Variants in NOS1AP observed in about 807,000 individuals in gnomAD.
The protein encoded by NOS1AP is carboxyl-terminal PDZ ligand of neuronal nitric oxide synthase protein.
Under a neutral mutation model 56.2 loss-of-function variants are expected in NOS1AP, and 21 were observed. The observed-to-expected ratio is 0.37, with a 90% CI of 0.26 to 0.54. The LOEUF (loss-of-function observed/expected upper bound fraction) is 0.54. Ranked by LOEUF, NOS1AP falls within the 20% of genes least tolerant of loss-of-function variation. NOS1AP has a pLI of 0.84. For synonymous variants in NOS1AP, 270 were observed against 274.6 expected, an observed-to-expected ratio of 0.98 and a Z score of 0.17; for missense variants, 522 against 657.8, an observed-to-expected ratio of 0.79 and a Z score of 2.26.
chr1:162,171,237 C>T (rs1419409226), intron 2 of NOS1AP, among the ~76,000 whole-genome samples: 1 of 152,122 alleles, frequency 6.6e-6, no homozygotes. Context: ...TGGGAAGGAA[C>T]CTGAGGCATG....
rs186276407 is a variant in NOS1AP, at chr1:162,184,295, C to T, written c.177+29819C>T. On this transcript the variant is annotated intron_variant, in intron 2 of 9. Coordinates refer to ENST00000361897, the MANE Select transcript of NOS1AP (RefSeq NM_014697.3). ...CCAAAAATTACAATAGTAACAATAA[C>T]GATCACTAATCACAAATTATCATAA... Among the ~76,000 whole-genome samples, 168 of 152,142 alleles carry T rather than the reference C, an allele frequency of 1.1e-3. 1 individual carries two copies. The highest frequency in any genetic ancestry group is 2.5e-3 in the Admixed American group (38 of 15,268).
intron 2 of NOS1AP, among the ~76,000 whole-genome samples, chr1:162,273,454 C>T (rs900285563): frequency 6.6e-6 from 1 of 152,132 alleles, no homozygotes. Flanking sequence ...CGTGAGCCAC[C>T]GCGCCCGGCC....
chr1:162,354,938 C>T (rs1657650075), intron 6 of NOS1AP, among the ~76,000 whole-genome samples: 1 of 152,184 alleles, frequency 6.6e-6, no homozygotes, highest in African/African-American at 2.4e-5. Flanking sequence ...GTGAACCTGG[C>T]AAAACTTTTA....
rs116224490 is a variant in NOS1AP, at chr1:162,142,650, G to A, written c.106-11755G>A. ...CAGGCATTGTTAAAGGCGAAAGCATGTGTAGCATATTGTCATCTTTCTTTC... is the reference window on the plus strand; with the variant it reads ...CAGGCATTGTTAAAGGCGAAAGCATATGTAGCATATTGTCATCTTTCTTTC... On this transcript the variant is annotated intron_variant, in intron 1 of 9. Coordinates refer to ENST00000361897, the MANE Select transcript of NOS1AP (RefSeq NM_014697.3). Among the ~76,000 whole-genome samples the A allele has an allele frequency of 9.8e-3, 1,500 of 152,328 alleles. 21 individuals are homozygous for A. The highest frequency in any genetic ancestry group is 0.034 in the African/African-American group (1,428 of 41,566).
At chr1:162,079,518 C>T (rs1405502385) in intron 1 of NOS1AP, among the ~76,000 whole-genome samples, 1 of 152,124 alleles carries the variant, frequency 6.6e-6, no homozygotes, top group Non-Finnish European at 1.5e-5. Context: ...GGGTTCAAAT[C>T]CTGGCTCTAT....
intron 3 of NOS1AP, among the ~76,000 whole-genome samples, chr1:162,291,111 G>C (rs1655270651): frequency 6.6e-6 from 1 of 151,950 alleles, no homozygotes; most frequent in African/African-American, 2.4e-5. Flanking sequence ...AGAGCAGGAG[G>C]GGACCCTCTG....
At chr1:162,226,065 G>A (rs1458477456) in intron 2 of NOS1AP, among the ~76,000 whole-genome samples, 1 of 151,876 alleles carries the variant, frequency 6.6e-6, no homozygotes, top group East Asian at 1.9e-4. Context: ...GGGCTGAGGT[G>A]GGCGAATCAC....
At chr1:162,248,638 G>A (rs894012363) in intron 2 of NOS1AP, among the ~76,000 whole-genome samples, 1 of 152,098 alleles carries the variant, frequency 6.6e-6, no homozygotes, top group East Asian at 1.9e-4. Context: ...CCTGGACCAT[G>A]CTGATGAGCC....
At chr1:162,258,808 A>T (rs1654116111) in intron 2 of NOS1AP, among the ~76,000 whole-genome samples, 1 of 152,190 alleles carries the variant, frequency 6.6e-6, no homozygotes, top group African/African-American at 2.4e-5. Flanking sequence ...GGGTCTTTCT[A>T]GGATTTATCA....
At chr1:162,279,383 C>T (rs1356836463) in intron 2 of NOS1AP, among the ~76,000 whole-genome samples, 1 of 152,226 alleles carries the variant, frequency 6.6e-6, no homozygotes, top group African/African-American at 2.4e-5. Context: ...CTGCCGCTGC[C>T]TTCCATGCCA....
intron 2 of NOS1AP, among the ~76,000 whole-genome samples, chr1:162,212,812 G>A (rs1180256588): frequency 0.021 from 3 of 146 alleles, no homozygotes; most frequent in Non-Finnish European, 0.035. Flanking sequence ...TTCTGCCCTC[G>A]ACACACCCTG....
In NOS1AP at chr1:162,367,112, G is replaced by T. The variant is rs770707645; in HGVS notation, c.1166G>T (p.Cys389Phe). The T allele has an allele frequency of 3.1e-6, 5 of 1,613,778 alleles. No homozygotes were observed. Among genetic ancestry groups the T allele is most frequent in the Non-Finnish European group, 3.4e-6 (4 of 1,180,020 alleles). The change falls in exon 10 of 10, where the codon TGT becomes TTT. Residue 389 changes from cysteine (C) to phenylalanine (F), a missense_variant. By Grantham distance (205) the Cys-to-Phe change is radical. This residue lies in a region of NOS1AP where 160 missense variants were observed against 180.3 expected (regional missense o/e 0.89). Transcript: ENST00000361897. The surrounding 1 kb of genome is among the most constrained non-coding windows in gnomAD (Gnocchi z 6.5). ...CGCTCCGGAGCCCTGCCCGTGCTCTGTGACCCCACGACCCCTAAGCCAGAG... is the reference window on the plus strand; with the variant it reads ...CGCTCCGGAGCCCTGCCCGTGCTCTTTGACCCCACGACCCCTAAGCCAGAG... ...TFRSGALPVL[C>F]DPTTPKPEDL...
Position 162,069,798 on chromosome 1 carries a change from C to G in NOS1AP, c.-380C>G, listed in dbSNP as rs1691619992. Reference sequence around the variant, plus strand: ...CACCGTCGCCTTTTCTTCTTCGTCCCGGGCGGTGCGTTCCACTGCTCTGGG... The same window carrying G: ...CACCGTCGCCTTTTCTTCTTCGTCCGGGGCGGTGCGTTCCACTGCTCTGGG... On this transcript the variant is annotated 5_prime_UTR_variant, in exon 1 of 10. Coordinates refer to ENST00000361897, the MANE Select transcript of NOS1AP (RefSeq NM_014697.3). The G allele has an allele frequency of 6.5e-6, 1 of 154,586 alleles. No homozygotes were observed. Among genetic ancestry groups the G allele is most frequent in the South Asian group, 1.8e-4 (1 of 5,688 alleles). 9.6% of individuals were successfully genotyped at this position (154,586 alleles called of 1,614,324 possible).
intron 5 of NOS1AP, among the ~76,000 whole-genome samples, chr1:162,337,063 A>G (rs927327363): frequency 6.6e-6 from 1 of 152,194 alleles, no homozygotes; most frequent in Admixed American, 6.5e-5. Context: ...AGACTCTTGC[A>G]TGGTCTCTTG....
At chr1:162,198,755 T>C (rs1209988091) in intron 2 of NOS1AP, among the ~76,000 whole-genome samples, 2 of 152,174 alleles carry the variant, frequency 1.3e-5, no homozygotes, top group South Asian at 2.1e-4. Context: ...TCATGCTCTT[T>C]GCTGGAACTG....
chr1:162,177,563 C>T (rs1557821058), intron 2 of NOS1AP, among the ~76,000 whole-genome samples: 2 of 152,140 alleles, frequency 1.3e-5, no homozygotes, highest in Non-Finnish European at 2.9e-5. Context: ...CGGGGCAGCT[C>T]TCTGACCTGT....
chr1:162,339,092 C>G (rs1657024962), intron 5 of NOS1AP, among the ~76,000 whole-genome samples: 2 of 152,134 alleles, frequency 1.3e-5, no homozygotes, highest in Admixed American at 1.3e-4. Context: ...TAAGTGTATA[C>G]AGTTTTAAGC....
intron 6 of NOS1AP, 140 bp downstream of exon 6, chr1:162,344,116 T>C (rs1657200226): frequency 1.1e-5 from 10 of 936,552 alleles, no homozygotes; most frequent in Non-Finnish European, 1.7e-5. Context: ...AAATTCTAGA[T>C]TCTCTTTAAG....
At chr1:162,324,075 A>G (rs1251617984) in intron 4 of NOS1AP, among the ~76,000 whole-genome samples, 1 of 152,190 alleles carries the variant, frequency 6.6e-6, no homozygotes, top group Non-Finnish European at 1.5e-5. Flanking sequence ...CACCAGTCAA[A>G]CTAGTGCCCC....
Sources: gnomAD v4.1 joint callset for allele counts (sites outside exome capture counted in the v4.1 genomes callset) on GRCh38, gnomAD v4.1.1 for gene constraint, gnomAD v4.1.1 regional missense constraint, Gnocchi (gnomAD v3.1) non-coding constraint, MANE v1.5 for transcripts, NCBI Gene and HGNC (gene_info 2026-07-23, HGNC 2026-07-21) for gene names.